The following SIGLEC14 variants were observed in gnomAD, a reference collection of about 807,000 sequenced individuals.
The protein encoded by SIGLEC14 is sialic acid binding Ig like lectin 14.
A neutral mutation model predicts 34.2 loss-of-function variants in SIGLEC14; 11 were observed. That is an observed-to-expected ratio of 0.32 (90% CI 0.20 to 0.53). SIGLEC14 has a LOEUF of 0.53. SIGLEC14 is among the 20% of genes least tolerant of loss of function. The pLI, the probability that SIGLEC14 is intolerant of heterozygous loss-of-function variation, is 0.95. For synonymous variants in SIGLEC14, 99 were observed against 179.7 expected (o/e 0.55, Z 3.59); for missense variants, 264 against 439.0 (o/e 0.60, Z 3.56).
rs1194272396 is a variant in SIGLEC14, at chr19:51,645,677, T to C, written c.700+105A>G. 41 of 1,416,916 alleles carry C rather than the reference T, an allele frequency of 2.9e-5. 4 individuals carry two copies. The highest frequency in any genetic ancestry group is 3.6e-5 in the Non-Finnish European group (38 of 1,063,286). 87.8% of individuals were successfully genotyped at this position (1,416,916 alleles called of 1,614,324 possible). A position where few individuals can be genotyped will look rare whatever the true frequency, so the allele number is the denominator to read the frequency against. On this transcript the variant is annotated intron_variant, in intron 3 of 6. Coordinates refer to ENST00000360844, the MANE Select transcript of SIGLEC14 (RefSeq NM_001098612.3). ...ACACACGAGTTTTCCCTGGTTATCA[T>C]TCTCTTTCTCTCTCTCTCTTCTACA...
rs1983926298 is a variant in SIGLEC14, at chr19:51,642,484, A to T, written c.*871T>A. ...CCATTGCACTCCAGCCTGGGCAACA[A>T]GATAGAAACTCTGTCTCAAAGAAAA... is the stretch of plus-strand genomic sequence containing the variant. On this transcript the variant is annotated 3_prime_UTR_variant, in exon 7 of 7. Coordinates refer to ENST00000360844, the MANE Select transcript of SIGLEC14 (RefSeq NM_001098612.3). 1 of 126,172 alleles carries T rather than the reference A, an allele frequency of 7.9e-6. No homozygotes were observed. Among genetic ancestry groups the T allele is most frequent in the African/African-American group, 3.1e-5 (1 of 31,882 alleles). The allele number at this position is 126,172 out of a possible 1,614,324, so 7.8% of individuals were successfully genotyped here.
Position 51,643,617 on chromosome 19 carries a change from G to C in SIGLEC14, c.1068C>G (p.Leu356=). 2 of 1,530,712 alleles carry C rather than the reference G, an allele frequency of 1.3e-6. 1 individual carries two copies. Among genetic ancestry groups the C allele is most frequent in the South Asian group, 2.4e-5 (2 of 83,164 alleles). The allele number at this position is 1,530,712 out of a possible 1,614,324, so 94.8% of individuals were successfully genotyped here. Reference sequence around the variant, plus strand: ...GAGCCCCCCTGATCAGGGTGAGGACGAGGGGCCAGGAGCCCTGCTGTTTCT... The same window carrying C: ...GAGCCCCCCTGATCAGGGTGAGGACCAGGGGCCAGGAGCCCTGCTGTTTCT... ...VTEKQQGSWP[L]VLTLIRGALM... is the part of the protein sequence containing the mutation. Residue 356 remains leucine, a synonymous_variant, in exon 6 of 7, where the codon CTC becomes CTG. Coordinates refer to ENST00000360844, the MANE Select transcript of SIGLEC14 (RefSeq NM_001098612.3).
At position 51,640,947 on chromosome 19, in the gene SIGLEC14, C is replaced by T. The variant is rs1311626652; in HGVS notation, c.*2408G>A. Reference sequence around the variant, plus strand: ...CCAAGATCGCGCCATTGCACTCCAGCCTGGGCAAAAAGAGCGAAACTCTGT... The same window carrying T: ...CCAAGATCGCGCCATTGCACTCCAGTCTGGGCAAAAAGAGCGAAACTCTGT... On this transcript the variant is annotated 3_prime_UTR_variant, in exon 7 of 7. Coordinates refer to ENST00000360844, the MANE Select transcript of SIGLEC14 (RefSeq NM_001098612.3). 1.4e-5 allele frequency among the ~76,000 whole-genome samples: 2 copies of T among 138,796 alleles called. 1 individual carries two copies. Among genetic ancestry groups the T allele is most frequent in the East Asian group, 6.6e-4 (2 of 3,018 alleles). 91.1% of individuals were successfully genotyped at this position (138,796 alleles called of 152,430 possible).
chr19:51,641,325 A>G lies in SIGLEC14; in HGVS notation c.*2030T>C, dbSNP rs1265922797. 7.2e-6 allele frequency among the ~76,000 whole-genome samples: 1 copy of G among 139,596 alleles called. No individual in the cohort carries two copies. Among genetic ancestry groups the G allele is most frequent in the African/African-American group, 2.7e-5 (1 of 36,850 alleles). The allele number at this position is 139,596 out of a possible 152,430, so 91.6% of individuals were successfully genotyped here. ...ATCAAGCAAACTTAACCAATATAAA[A>G]GACTCTCACGGTTGGTGAAAGTGAA... On this transcript the variant is annotated 3_prime_UTR_variant, in exon 7 of 7. Transcript: ENST00000360844.
At position 51,643,984 on chromosome 19, in the gene SIGLEC14, G is replaced by T. The variant is rs746770970; in HGVS notation, c.807C>A (p.Ser269=). The T allele has an allele frequency of 4.6e-6, 7 of 1,531,194 alleles. 3 individuals are homozygous for T. The South Asian group carries it at 4.8e-5, about 11-fold the overall frequency. The allele number at this position is 1,531,194 out of a possible 1,614,324, so 94.9% of individuals were successfully genotyped here. A position where few individuals can be genotyped will look rare whatever the true frequency, so the allele number is the denominator to read the frequency against. Residue 269 remains serine (S), a synonymous_variant, in exon 5 of 7, where the codon TCC becomes TCA. Transcript: ENST00000360844. ...TGTCAACTGTGCAGGCGAGGAACAG[G>T]GACTGGCCCTCCTGGATGGGCACCG... is the stretch of plus-strand genomic sequence containing the variant. ...GMSVPIQEGQ[S]LFLACTVDSN...
intron 3 of SIGLEC14, 34 bp from the exon 4 acceptor site, chr19:51,645,564 G>A (rs527850472): frequency 6.6e-7 from 1 of 1,519,548 alleles, no homozygotes; most frequent in Middle Eastern, 1.7e-4. Context: ...AGCTTCAGAG[G>A]TGACAAGAGG....
chr19:51,644,026 G>T lies in SIGLEC14; in HGVS notation c.765C>A (p.Ile255=), dbSNP rs1322820506. ...FRNGTGTALR[I]LSNGMSVPIQ... is the part of the protein sequence containing the mutation. ...TGGGCACCGACATGCCATTGCTCAGGATCCGCAGGGCTGGGAAAGAGAAGC... is the reference window on the plus strand; with the variant it reads ...TGGGCACCGACATGCCATTGCTCAGTATCCGCAGGGCTGGGAAAGAGAAGC... Residue 255 remains isoleucine, a synonymous_variant, in exon 5 of 7, where the codon ATC becomes ATA. Transcript: ENST00000360844. 2 of 1,511,358 alleles carry T rather than the reference G, an allele frequency of 1.3e-6. No homozygotes were observed. Among genetic ancestry groups the T allele is most frequent in the East Asian group, 3.5e-5 (1 of 28,518 alleles). 93.6% of individuals were successfully genotyped at this position (1,511,358 alleles called of 1,614,324 possible).
chr19:51,645,593 A>G, intron 3 of SIGLEC14, 63 bp from the exon 4 acceptor site: 1 of 1,480,818 alleles, frequency 6.8e-7, no homozygotes, highest in Non-Finnish European at 9.1e-7. Context: ...TGGTCCCGGG[A>G]GGGACCCAAG....
In SIGLEC14 at chr19:51,639,728, A is replaced by G. The variant is rs1983869449; in HGVS notation, c.*3627T>C. 2 of 139,370 alleles carry G rather than the reference A, an allele frequency of 1.4e-5. 1 individual carries two copies. Among genetic ancestry groups the G allele is most frequent in the Non-Finnish European group, 3.1e-5 (2 of 65,044 alleles). The allele number at this position is 139,370 out of a possible 1,614,324, so 8.6% of individuals were successfully genotyped here. On this transcript the variant is annotated 3_prime_UTR_variant, in exon 7 of 7. Transcript: ENST00000360844. ...TTCCAAAAAGCCCCAACCTTTTAAT[A>G]CCATCACCTTGAGGTTTAAGATTTC...
chr19:51,643,501 C>T (rs779459146), intron 6 of SIGLEC14, 36 bp downstream of exon 6: 2 of 1,446,960 alleles, frequency 1.4e-6, no homozygotes, highest in South Asian at 1.3e-5. Flanking sequence ...CCACCTGGAA[C>T]TCAGGAGCTT....
At chr19:51,646,679 C>G in intron 1 of SIGLEC14, 39 bp from the exon 2 acceptor site, 1 of 564,492 alleles carries the variant, frequency 1.8e-6, no homozygotes, top group Non-Finnish European at 2.9e-6. Context: ...CTCCAGCCCC[C>G]CTTCTCACCC....
rs1336215312 is a variant in SIGLEC14, at chr19:51,644,306, C to A, written c.755-270G>T. On this transcript the variant is annotated intron_variant, in intron 4 of 6. Coordinates refer to ENST00000360844, the MANE Select transcript of SIGLEC14 (RefSeq NM_001098612.3). Reference sequence around the variant, plus strand: ...CAGACGTGCCAAGAACTGAGACAGGCAGACGAGGAAAGAGGCTCCTAGATC... The same window carrying A: ...CAGACGTGCCAAGAACTGAGACAGGAAGACGAGGAAAGAGGCTCCTAGATC... 4.4e-5 allele frequency among the ~76,000 whole-genome samples: 6 copies of A among 137,406 alleles called. 3 individuals are homozygous for A. Among genetic ancestry groups the A allele is most frequent in the Non-Finnish European group, 9.3e-5 (6 of 64,598 alleles). 90.1% of individuals were successfully genotyped at this position (137,406 alleles called of 152,430 possible). A position where few individuals can be genotyped will look rare whatever the true frequency, so the allele number is the denominator to read the frequency against.
rs985834189 is a variant in SIGLEC14, at chr19:51,642,916, AGG to A, written c.*437_*438del. 6.6e-6 allele frequency: 1 copy of A among 152,620 alleles called. No individual in the cohort carries two copies. Among genetic ancestry groups the A allele is most frequent in the African/African-American group, 3.0e-5 (1 of 32,902 alleles). The allele number at this position is 152,620 out of a possible 1,614,324, so 9.5% of individuals were successfully genotyped here. On this transcript the variant is annotated 3_prime_UTR_variant, in exon 7 of 7. Coordinates refer to ENST00000360844, the MANE Select transcript of SIGLEC14 (RefSeq NM_001098612.3). ...GCAGGCACCTGTAATCCCAGCTACT[AGG>A]GAGGCTGAGGCAGGAGAATTGCTTG...
Position 51,644,082 on chromosome 19 carries a change from A to G in SIGLEC14, c.755-46T>C, listed in dbSNP as rs183228080. 913 of 1,430,320 alleles carry G rather than the reference A, an allele frequency of 6.4e-4. 140 individuals are homozygous for G. In the African/African-American group the frequency reaches 0.011, roughly 17 times the overall value. The allele number at this position is 1,430,320 out of a possible 1,614,324, so 88.6% of individuals were successfully genotyped here. A position where few individuals can be genotyped will look rare whatever the true frequency, so the allele number is the denominator to read the frequency against. On this transcript the variant is annotated intron_variant, in intron 4 of 6. Transcript: ENST00000360844. The stretch of plus-strand genomic sequence containing the variant: ...CAGGTGAGTGGAGCTGGGAGGCCCA[A>G]TTCTCCCTCATTCCTCCCACTGAGC...
Position 51,643,944 on chromosome 19 carries a change from A to G in SIGLEC14, c.847T>C (p.Ser283Pro). 6.5e-7 allele frequency: 1 copy of G among 1,533,944 alleles called. No individual in the cohort carries two copies. The highest frequency in any genetic ancestry group is 1.7e-4 in the Middle Eastern group (1 of 5,890). ...ACTVDSNPPA[S>P]LSWFREGKAL... ...TTTCCCTCCCGGAACCAGCTCAGTGAGGCAGGGGGGTTGCTGTCAACTGTG... is the reference window on the plus strand; with the variant it reads ...TTTCCCTCCCGGAACCAGCTCAGTGGGGCAGGGGGGTTGCTGTCAACTGTG... Residue 283 changes from serine (S) to proline (P), a missense_variant, in exon 5 of 7, where the codon TCA (serine) becomes CCA (proline). Around this residue, in one of 5 missense-constraint regions of SIGLEC14, gnomAD observed 149 missense variants for 184.4 expected, o/e 0.81. Coordinates refer to ENST00000360844, the MANE Select transcript of SIGLEC14 (RefSeq NM_001098612.3).
At chr19:51,645,688 T>C in intron 3 of SIGLEC14, 94 bp downstream of exon 3, 1 of 1,399,438 alleles carries the variant, frequency 7.1e-7, no homozygotes, top group Non-Finnish European at 9.5e-7. Context: ...TCTCTTTCTC[T>C]CTCTCTCTTC....
Position 51,640,845 on chromosome 19 carries a change from C to T in SIGLEC14, c.*2510G>A, listed in dbSNP as rs938367296. 9.4e-5 allele frequency among the ~76,000 whole-genome samples: 13 copies of T among 138,010 alleles called. 2 individuals carry two copies. The highest frequency in any genetic ancestry group is 3.5e-3 in the Middle Eastern group (1 of 286). The allele number at this position is 138,010 out of a possible 152,430, so 90.5% of individuals were successfully genotyped here. On this transcript the variant is annotated 3_prime_UTR_variant, in exon 7 of 7. Transcript: ENST00000360844. The stretch of plus-strand genomic sequence containing the variant: ...AAAAAACTAGCCAGGCGTGATGGTG[C>T]GTGCCTGTAATCCAAGCTATTTGGG...
rs377524403 is a variant in SIGLEC14 at position 51,643,831 on chromosome 19, C to G, written c.960G>C (p.Arg320=). ...GCTGGGAGCCCAGCGGATGCTGAACCCGGCAGGTGAATTCCCCTCCCTCTC... is the reference window on the plus strand; with the variant it reads ...GCTGGGAGCCCAGCGGATGCTGAACGCGGCAGGTGAATTCCCCTCCCTCTC... The part of the protein sequence containing the change: ...GAREGGEFTC[R]VQHPLGSQHL... The change falls in exon 5 of 7, where the codon CGG becomes CGC. Residue 320 remains arginine (R), a synonymous_variant. Coordinates refer to ENST00000360844, the MANE Select transcript of SIGLEC14 (RefSeq NM_001098612.3). The G allele has an allele frequency of 2.2e-5, 33 of 1,530,316 alleles. 5 individuals carry two copies. The highest frequency in any genetic ancestry group is 2.9e-5 in the Non-Finnish European group (33 of 1,139,020). The allele number at this position is 1,530,316 out of a possible 1,614,324, so 94.8% of individuals were successfully genotyped here.
In SIGLEC14 at chr19:51,646,798, G is replaced by C. The variant is rs1404108959; in HGVS notation, c.-39C>G. 1.8e-6 allele frequency: 1 copy of C among 553,402 alleles called. No individual in the cohort carries two copies. Among genetic ancestry groups the C allele is most frequent in the African/African-American group, 2.1e-5 (1 of 47,434 alleles). The allele number at this position is 553,402 out of a possible 1,614,324, so 34.3% of individuals were successfully genotyped here. On this transcript the variant is annotated 5_prime_UTR_variant, in exon 1 of 7. Transcript: ENST00000360844. ...AGGGCCCCAGCCCAGTCCCAGGTCC[G>C]GCTGTCAGGGAAGGAAATGCTCCAA...
Sources: gnomAD v4.1 joint callset for allele counts (sites outside exome capture counted in the v4.1 genomes callset) on GRCh38, gnomAD v4.1.1 for gene constraint, gnomAD v4.1.1 regional missense constraint, MANE v1.5 for transcripts, NCBI Gene and HGNC (gene_info 2026-07-23, HGNC 2026-07-21) for gene names.